The following TTC29 variants were observed in gnomAD, a reference collection of about 807,000 sequenced individuals.
TTC29 encodes the protein tetratricopeptide repeat domain 29.
In TTC29, 49 loss-of-function variants were observed where a neutral mutation model predicts 58.1. The ratio of observed to expected loss-of-function variants is 0.84; its 90% CI spans 0.67 to 1.07. The LOEUF is 1.07. Among genes scored for constraint, TTC29 ranks in the 50% least tolerant of loss-of-function variants. TTC29 has a pLI of 0.00. For synonymous variants in TTC29, 209 were observed against 196.8 expected, an observed-to-expected ratio of 1.06 and a Z score of -0.52; for missense variants, 582 against 555.6, an observed-to-expected ratio of 1.05 and a Z score of -0.48.
At chr4:146,802,461 GGAA>G (rs1296226149) in intron 11 of TTC29, among the ~76,000 whole-genome samples, 2 of 152,136 alleles carry the variant, frequency 1.3e-5, no homozygotes, top group Non-Finnish European at 1.5e-5. Context: ...GGATGTATTT[GGAA>G]GAAGATCTTT....
intron 9 of TTC29, among the ~76,000 whole-genome samples, chr4:146,829,646 G>T (rs980517947): frequency 2.6e-5 from 4 of 152,104 alleles, no homozygotes; most frequent in Non-Finnish European, 5.9e-5. Context: ...TTACTAGGGC[G>T]TGTCATTTCT....
chr4:146,801,656 GA>G (rs1360134440), intron 11 of TTC29, among the ~76,000 whole-genome samples: 2 of 151,866 alleles, frequency 1.3e-5, no homozygotes, highest in Non-Finnish European at 2.9e-5. Context: ...AAAAAGTATA[GA>G]AAAATAAATA....
intron 2 of TTC29, among the ~76,000 whole-genome samples, chr4:146,943,940 C>T (rs73855102): frequency 0.064 from 9,697 of 152,176 alleles, 1,071 homozygotes; most frequent in African/African-American, 0.22. Context: ...CTGACCCAGG[C>T]CTGTAGCATA....
At chr4:146,832,521 C>T (rs1239071429) in intron 9 of TTC29, among the ~76,000 whole-genome samples, 2 of 152,046 alleles carry the variant, frequency 1.3e-5, no homozygotes, top group Non-Finnish European at 2.9e-5. Flanking sequence ...CTCTTGATGC[C>T]CTGGCTGGAG....
At chr4:146,915,187 G>A (rs901570174) in intron 4 of TTC29, among the ~76,000 whole-genome samples, 29 of 152,058 alleles carry the variant, frequency 1.9e-4, no homozygotes, top group Admixed American at 1.8e-3. Flanking sequence ...GCTCCCTCTG[G>A]TTGCAAATTC....
chr4:146,939,830 C>T lies in TTC29; in HGVS notation c.66G>A (p.Leu22=), dbSNP rs1736196790. The T allele has an allele frequency of 1.2e-6, 2 of 1,612,964 alleles. No homozygotes were observed. The highest frequency in any genetic ancestry group is 1.7e-6 in the Non-Finnish European group (2 of 1,179,568). Residue 22 remains leucine (L), a synonymous_variant, in exon 3 of 13, where the codon CTG becomes CTA. Transcript: ENST00000325106. ...TTGGAATTTTTCTGGAGGAGCAAGG[C>T]AGCTTCTGTCTGGCTAAGGCTGTAA... is the stretch of plus-strand genomic sequence containing the variant. ...PKLTALARQK[L]PCSSRKIPRS...
At chr4:146,936,790 A>T (rs891362253) in intron 4 of TTC29, among the ~76,000 whole-genome samples, 3 of 152,108 alleles carry the variant, frequency 2.0e-5, no homozygotes, top group Non-Finnish European at 4.4e-5. Context: ...TTTCAGTAGA[A>T]TCCCACAGCA....
intron 11 of TTC29, among the ~76,000 whole-genome samples, chr4:146,759,736 C>T (rs1471295061): frequency 6.6e-5 from 10 of 152,030 alleles, no homozygotes; most frequent in East Asian, 1.9e-4. Flanking sequence ...AATCCAGCAT[C>T]GCTTTATGAT....
intron 5 of TTC29, 28 bp downstream of exon 5, chr4:146,908,998 G>A (rs1344193485): frequency 2.5e-6 from 4 of 1,596,082 alleles, no homozygotes; most frequent in Non-Finnish European, 3.4e-6. Flanking sequence ...GGCTCCTTCT[G>A]TGCTCTGCCC....
At position 146,903,676 on chromosome 4, in the gene TTC29, T is replaced by G; in HGVS notation, c.454A>C (p.Asn152His). ...NLYALACYFN[N>H]SEDKWVRNHF... ...TTCCTTACCCACTTGTCTTCAGAAT[T>G]ATTGAAGTAACAGGCCAGAGCATAC... The change falls in exon 6 of 13, where the codon AAT becomes CAT. Residue 152 changes from asparagine to histidine, a missense_variant. Transcript: ENST00000325106. 6.2e-7 allele frequency: 1 copy of G among 1,612,756 alleles called. No homozygotes were observed. Among genetic ancestry groups the G allele is most frequent in the Non-Finnish European group, 8.5e-7 (1 of 1,179,354 alleles).
At chr4:146,828,189 G>A (rs1242967092) in intron 9 of TTC29, among the ~76,000 whole-genome samples, 2 of 152,022 alleles carry the variant, frequency 1.3e-5, no homozygotes, top group African/African-American at 4.8e-5. Context: ...ATTATTGGAG[G>A]AAATTTTCAA....
intron 8 of TTC29, among the ~76,000 whole-genome samples, chr4:146,848,982 G>A (rs1729350033): frequency 6.6e-6 from 1 of 152,178 alleles, no homozygotes; most frequent in South Asian, 2.1e-4. Context: ...CTATATTCCA[G>A]TCTTGTTCTT....
rs1290502887 is a variant in TTC29, at chr4:146,909,115, A to T, written c.311T>A (p.Phe104Tyr). The T allele has an allele frequency of 6.2e-7, 1 of 1,613,632 alleles. No individual in the cohort carries two copies. The change falls in exon 5 of 13, where the codon TTC becomes TAC. Residue 104 changes from phenylalanine (F) to tyrosine (Y), a missense_variant. Transcript: ENST00000325106. Reference sequence around the variant, plus strand: ...CTCCTCCAGGGGCTTCTGCAGCCAGAAGAGGGACCTGACTCTCGCAGCCTC... The same window carrying T: ...CTCCTCCAGGGGCTTCTGCAGCCAGTAGAGGGACCTGACTCTCGCAGCCTC... Reference protein sequence around the residue: ...LREAARVRSLFWLQKPLEEQP... With the variant: ...LREAARVRSLYWLQKPLEEQP...
intron 9 of TTC29, among the ~76,000 whole-genome samples, chr4:146,821,836 T>G (rs1579758024): frequency 1.3e-5 from 2 of 152,214 alleles, no homozygotes; most frequent in African/African-American, 4.8e-5. Context: ...GGAATAAGGT[T>G]CCTGTGCTTG....
chr4:146,892,283 C>A (rs1356636122), intron 6 of TTC29, among the ~76,000 whole-genome samples: 2 of 152,126 alleles, frequency 1.3e-5, no homozygotes, highest in African/African-American at 4.8e-5. Context: ...CCTGAGGCCA[C>A]CACAGCCATG....
At chr4:146,728,867 A>ATGTATATATATACGTATATATATG in intron 11 of TTC29, among the ~76,000 whole-genome samples, 1 of 46,902 alleles carries the variant, frequency 2.1e-5, no homozygotes, top group South Asian at 1.5e-3. Flanking sequence ...ACACATATAT[A>ATGTATATATATACGTATATATATG]TGTGTGTGTA....
chr4:146,797,455 T>C lies in TTC29; in HGVS notation c.1330+6002A>G, dbSNP rs369917962. 4.8e-3 allele frequency among the ~76,000 whole-genome samples: 738 copies of C among 152,308 alleles called. 10 individuals are homozygous for C. Among genetic ancestry groups the C allele is most frequent in the Middle Eastern group, 6.8e-3 (2 of 294 alleles). On this transcript the variant is annotated intron_variant, in intron 11 of 12. Transcript: ENST00000325106. ...GTTTAGTGATTAATTCTCTCAGCTT[T>C]TATATGGTTGGCAAAAGCTTTATTT... is the stretch of plus-strand genomic sequence containing the variant.
chr4:146,808,357 C>A (rs1354727034), intron 10 of TTC29, among the ~76,000 whole-genome samples: 1 of 152,158 alleles, frequency 6.6e-6, no homozygotes, highest in Non-Finnish European at 1.5e-5. Flanking sequence ...TCTCACCACT[C>A]CTATTCAACA....
At chr4:146,828,799 T>C (rs1727976411) in intron 9 of TTC29, among the ~76,000 whole-genome samples, 1 of 152,186 alleles carries the variant, frequency 6.6e-6, no homozygotes, top group African/African-American at 2.4e-5. Context: ...AAAAAAGTCT[T>C]ATTATTGTAA....
Sources: allele counts gnomAD v4.1 joint callset (sites outside exome capture counted in the v4.1 genomes callset), GRCh38; gene constraint gnomAD v4.1.1; transcripts MANE v1.5; gene names NCBI Gene and HGNC (gene_info 2026-07-23, HGNC 2026-07-21).